Variants in BASP1 observed in about 807,000 individuals in gnomAD.
The protein encoded by BASP1 is brain acid soluble protein 1.
BASP1 carries 1 observed loss-of-function variant against 2.2 expected under a neutral mutation model. That is an observed-to-expected ratio of 0.46 (90% CI 0.16 to 2.17). The LOEUF is 2.17. BASP1 is among the 30% of genes most tolerant of loss of function. The pLI is 0.27. For missense variants in BASP1, 352 were observed against 327.2 expected (o/e 1.08, Z -0.58); for synonymous variants, 187 against 154.2 (o/e 1.21, Z -1.58).
Position 17,275,877 on chromosome 5 carries a change from C to G in BASP1, c.661C>G (p.Gln221Glu). The G allele has an allele frequency of 6.3e-7, 1 of 1,595,034 alleles. No homozygotes were observed. ...GGAGGCCCCGGCAGCTAATTCCGAC[C>G]AAACCGTAACCGTGAAAGAGTGACA... ...PVEAPAANSD[Q>E]TVTVKE The change falls in exon 2 of 2, where the codon CAA becomes GAA. Residue 221 changes from glutamine (Q) to glutamate (E), a missense_variant. Transcript: ENST00000322611. This position sits in a 1 kb window ranked among gnomAD's most constrained non-coding sequence, Gnocchi z 5.3.
At chr5:17,270,575 C>G (rs1008394034) in intron 1 of BASP1, among the ~76,000 whole-genome samples, 13 of 152,146 alleles carry the variant, frequency 8.5e-5, no homozygotes, top group Admixed American at 7.2e-4. Context: ...AACACATATA[C>G]CAAACATCTT....
At chr5:17,265,629 A>G (rs1396274370) in intron 1 of BASP1, among the ~76,000 whole-genome samples, 1 of 152,160 alleles carries the variant, frequency 6.6e-6, no homozygotes, top group African/African-American at 2.4e-5. Context: ...TGTTTTTCCT[A>G]CTTGATACTC....
intron 1 of BASP1, among the ~76,000 whole-genome samples, chr5:17,234,044 T>C (rs966902235): frequency 5.3e-5 from 8 of 152,136 alleles, no homozygotes; most frequent in Non-Finnish European, 1.2e-4. Context: ...GGCAGTAGAA[T>C]TGCTTCAACC....
At chr5:17,235,244 C>T (rs151108740) in intron 1 of BASP1, among the ~76,000 whole-genome samples, 5 of 150,370 alleles carry the variant, frequency 3.3e-5, no homozygotes, top group South Asian at 4.2e-4. Context: ...CTGTTGCTCC[C>T]GTCTGCTATT....
intron 1 of BASP1, among the ~76,000 whole-genome samples, chr5:17,227,700 G>C (rs1349371716): frequency 6.6e-6 from 1 of 152,078 alleles, no homozygotes; most frequent in African/African-American, 2.4e-5. Flanking sequence ...CACCATGCCC[G>C]GCCAATAACT....
chr5:17,254,823 A>G (rs1216155007), intron 1 of BASP1, among the ~76,000 whole-genome samples: 1 of 152,214 alleles, frequency 6.6e-6, no homozygotes, highest in African/African-American at 2.4e-5. Context: ...ATAAAAACAG[A>G]GAGAATAAAT....
chr5:17,243,452 C>G (rs1455309989), intron 1 of BASP1, among the ~76,000 whole-genome samples: 1 of 152,190 alleles, frequency 6.6e-6, no homozygotes, highest in Non-Finnish European at 1.5e-5. Context: ...CCACGCCCGG[C>G]TCCCTCCAAC....
chr5:17,261,412 G>C (rs2126514425), intron 1 of BASP1, among the ~76,000 whole-genome samples: 1 of 152,298 alleles, frequency 6.6e-6, no homozygotes, highest in Non-Finnish European at 1.5e-5. Context: ...TGTAATACGA[G>C]AGTACTATGA....
chr5:17,227,390 T>TTA (rs10557138), intron 1 of BASP1, among the ~76,000 whole-genome samples: 190 of 142,202 alleles, frequency 1.3e-3, no homozygotes, highest in East Asian at 9.0e-3. Context: ...TGACTAATTT[T>TTA]TATATATATA....
intron 1 of BASP1, among the ~76,000 whole-genome samples, chr5:17,219,329 A>G (rs557450715): frequency 1.3e-5 from 2 of 152,326 alleles, no homozygotes; most frequent in South Asian, 2.1e-4. Context: ...ATGTTGCGGG[A>G]AACCCTTGGA....
intron 1 of BASP1, among the ~76,000 whole-genome samples, chr5:17,271,595 AAAGT>A (rs1282087123): frequency 2.0e-5 from 3 of 152,220 alleles, no homozygotes; most frequent in Non-Finnish European, 4.4e-5. Context: ...GGAGAAATGC[AAAGT>A]CAGTCTCGGC....
chr5:17,251,649 A>G lies in BASP1; in HGVS notation c.-9-23559A>G, dbSNP rs906216034. On this transcript the variant is annotated intron_variant, in intron 1 of 1. Coordinates refer to ENST00000322611, the MANE Select transcript of BASP1 (RefSeq NM_006317.5). The surrounding 1 kb of genome is among the most constrained non-coding windows in gnomAD (Gnocchi z 4.0). ...CTAGCACCTAGCAGTGGAGTTATGA[A>G]CATATTTTAGTGGAACATATTTAGT... is the stretch of plus-strand genomic sequence containing the variant. 6.6e-6 allele frequency among the ~76,000 whole-genome samples: 1 copy of G among 152,208 alleles called. No homozygotes were observed. The highest frequency in any genetic ancestry group is 1.5e-5 in the Non-Finnish European group (1 of 68,042).
intron 1 of BASP1, among the ~76,000 whole-genome samples, chr5:17,247,496 C>T (rs556296243): frequency 1.9e-4 from 29 of 152,284 alleles, no homozygotes; most frequent in South Asian, 4.1e-4. Flanking sequence ...TGGAAGAAAT[C>T]GGTTGAATAC....
At chr5:17,262,563 A>T (rs1410979957) in intron 1 of BASP1, among the ~76,000 whole-genome samples, 4 of 152,254 alleles carry the variant, frequency 2.6e-5, no homozygotes, top group African/African-American at 9.6e-5. Flanking sequence ...AAAGATAAGT[A>T]TCAAAACAGT....
chr5:17,260,881 G>C lies in BASP1; in HGVS notation c.-9-14327G>C, dbSNP rs1740299448. Among the ~76,000 whole-genome samples the C allele has an allele frequency of 6.6e-6, 1 of 152,202 alleles. No individual in the cohort carries two copies. Among genetic ancestry groups the C allele is most frequent in the Non-Finnish European group, 1.5e-5 (1 of 68,046 alleles). ...TTGAACGCAATCCAACAATATAAAAGGGTTAAGCAGGCCTGGCCTGGTGGT... is the reference window on the plus strand; with the variant it reads ...TTGAACGCAATCCAACAATATAAAACGGTTAAGCAGGCCTGGCCTGGTGGT... On this transcript the variant is annotated intron_variant, in intron 1 of 1. Coordinates refer to ENST00000322611, the MANE Select transcript of BASP1 (RefSeq NM_006317.5). The surrounding 1 kb of genome is among the most constrained non-coding windows in gnomAD (Gnocchi z 4.2).
chr5:17,263,721 T>A (rs1740365268), intron 1 of BASP1, among the ~76,000 whole-genome samples: 1 of 152,252 alleles, frequency 6.6e-6, no homozygotes, highest in Non-Finnish European at 1.5e-5. Context: ...AATCTGTGTA[T>A]GTGTACTTTG....
rs187761293 is a variant in BASP1 at position 17,261,621 on chromosome 5, C to G, written c.-9-13587C>G. Among the ~76,000 whole-genome samples, 15 of 152,260 alleles carry G rather than the reference C, an allele frequency of 9.9e-5. No homozygotes were observed. The East Asian group carries it at 1.2e-3, about 12-fold the overall frequency. On this transcript the variant is annotated intron_variant, in intron 1 of 1. Transcript: ENST00000322611. Reference sequence around the variant, plus strand: ...TTTATCTCATTGGCTTCTCTCCCCCCCACCGTCTGCATAACAAAGTGTTCC... The same window carrying G: ...TTTATCTCATTGGCTTCTCTCCCCCGCACCGTCTGCATAACAAAGTGTTCC...
intron 1 of BASP1, among the ~76,000 whole-genome samples, chr5:17,220,203 A>T (rs951523426): frequency 2.0e-5 from 3 of 152,072 alleles, no homozygotes; most frequent in African/African-American, 7.2e-5. Flanking sequence ...CTTGATATTG[A>T]CCACGTTTAA....
At chr5:17,226,149 T>C (rs1476756954) in intron 1 of BASP1, among the ~76,000 whole-genome samples, 1 of 152,252 alleles carries the variant, frequency 6.6e-6, no homozygotes, top group Non-Finnish European at 1.5e-5. Flanking sequence ...AGGTAACTTT[T>C]ATTTTCATAA....
Sources: gnomAD v4.1 joint callset for allele counts (sites outside exome capture counted in the v4.1 genomes callset) on GRCh38, gnomAD v4.1.1 for gene constraint, Gnocchi (gnomAD v3.1) non-coding constraint, MANE v1.5 for transcripts, NCBI Gene and HGNC (gene_info 2026-07-23, HGNC 2026-07-21) for gene names.